SPAG7: variants seen among roughly 807,000 people sequenced by gnomAD.
SPAG7 encodes sperm associated antigen 7.
Under a neutral mutation model 30.6 loss-of-function variants are expected in SPAG7, and 20 were observed. The ratio of observed to expected loss-of-function variants is 0.65; its 90% CI spans 0.46 to 0.95. The LOEUF (loss-of-function observed/expected upper bound fraction) is 0.95, where lower values mean the gene tolerates loss of function less well. SPAG7 is among the 40% of genes least tolerant of loss of function. The pLI is 0.00. For missense variants in SPAG7, 276 were observed against 291.1 expected, an observed-to-expected ratio of 0.95 and a Z score of 0.38; for synonymous variants, 127 against 104.2, an observed-to-expected ratio of 1.22 and a Z score of -1.33.
Position 4,967,791 on chromosome 17 carries a change from A to T in SPAG7, c.14T>A (p.Leu5Gln). The change falls in exon 1 of 7, where the codon CTG becomes CAG. Residue 5 changes from leucine (L) to glutamine (Q), a missense_variant. Transcript: ENST00000206020. MADL[L>Q]GSILSSMEKP... The stretch of plus-strand genomic sequence containing the variant: ...CTCCATGGAGCTCAGGATGGAGCCC[A>T]GTAGGTCCGCCATCTTGGGAGTGAC... The T allele has an allele frequency of 6.2e-7, 1 of 1,613,718 alleles. No homozygotes were observed.
At chr17:4,959,955 AGCC>A (rs746964403) in intron 5 of SPAG7, 39 bp from the exon 6 acceptor site, 2 of 1,612,916 alleles carry the variant, frequency 1.2e-6, no homozygotes, top group African/African-American at 2.7e-5. Flanking sequence ...TCAGGGCCCC[AGCC>A]CAAACCCCCA....
chr17:4,967,043 C>G, intron 1 of SPAG7: 12 of 985,726 alleles, frequency 1.2e-5, no homozygotes, highest in Non-Finnish European at 1.4e-5. Context: ...AGCCCACCCG[C>G]AGGGAAGCTA....
intron 1 of SPAG7, 23 bp downstream of exon 1, chr17:4,967,697 G>C: frequency 1.3e-6 from 2 of 1,583,174 alleles, no homozygotes; most frequent in Non-Finnish European, 1.7e-6. Flanking sequence ...GAAGGAAGGC[G>C]GTTGTGAATT....
At position 4,964,545 on chromosome 17, in the gene SPAG7, T is replaced by C. The variant is rs149947406; in HGVS notation, c.85+3175A>G. Among the ~76,000 whole-genome samples the C allele has an allele frequency of 7.8e-3, 1,176 of 151,660 alleles. 19 individuals carry two copies. Among genetic ancestry groups the C allele is most frequent in the African/African-American group, 0.027 (1,113 of 41,316 alleles). On this transcript the variant is annotated intron_variant, in intron 1 of 6. Coordinates refer to ENST00000206020, the MANE Select transcript of SPAG7 (RefSeq NM_004890.3). The stretch of plus-strand genomic sequence containing the variant: ...CCTGGAGAATTTTTTGTATTTTTAG[T>C]GGAGACAAGGTTTCACCGTTTTAGC...
chr17:4,964,961 G>A (rs1971926404), intron 1 of SPAG7, among the ~76,000 whole-genome samples: 1 of 151,486 alleles, frequency 6.6e-6, no homozygotes, highest in Admixed American at 6.6e-5. Flanking sequence ...CCAGGCTGGA[G>A]TGCAATGGTG....
In SPAG7 at chr17:4,960,262, T is replaced by A; in HGVS notation, c.299A>T (p.Asp100Val). ...TTTGAAGATCATGACATAGCGACAG[T>A]CATCATCTTCCCCAAAGGAGAAGGA... ...LTSFSFGEDDDCRYVMIFKKE... is the reference protein window; with the variant it reads ...LTSFSFGEDDVCRYVMIFKKE... Residue 100 changes from aspartate (D) to valine (V), a missense_variant, in exon 4 of 7, where the codon GAC (aspartate) becomes GTC (valine). Coordinates refer to ENST00000206020, the MANE Select transcript of SPAG7 (RefSeq NM_004890.3). 3 of 1,614,172 alleles carry A rather than the reference T, an allele frequency of 1.9e-6. No homozygotes were observed. In the South Asian group the frequency reaches 3.3e-5, roughly 18 times the overall value.
At position 4,960,828 on chromosome 17, in the gene SPAG7, T is replaced by C. The variant is rs1351920385; in HGVS notation, c.111A>G (p.Leu37=). 6.2e-7 allele frequency: 1 copy of C among 1,614,158 alleles called. No homozygotes were observed. The highest frequency in any genetic ancestry group is 1.7e-5 in the Admixed American group (1 of 60,032). The change falls in exon 2 of 7, where the codon CTA becomes CTG. Residue 37 remains leucine (L), a synonymous_variant. Coordinates refer to ENST00000206020, the MANE Select transcript of SPAG7 (RefSeq NM_004890.3). The stretch of plus-strand genomic sequence containing the variant: ...CTTTCTGTTGTTTCTCTTGCTCTTG[T>C]AGTTTCTTCAGGCGGGCGGCCTGTT... ...AREQAARLKK[L]QEQEKQQKVE...
intron 1 of SPAG7, chr17:4,966,770 T>C (rs1971960490): frequency 2.0e-6 from 2 of 985,352 alleles, no homozygotes; most frequent in Non-Finnish European, 2.4e-6. Flanking sequence ...GGGGTACCCC[T>C]GGTCCCTAAC....
chr17:4,959,527 G>T lies in SPAG7; in HGVS notation c.*7C>A. Reference sequence around the variant, plus strand: ...CCCCAGGGGTCAAAGGGAGCTGGGCGGGGCGCCTAGGAGGTTGGCGGCAAC... The same window carrying T: ...CCCCAGGGGTCAAAGGGAGCTGGGCTGGGCGCCTAGGAGGTTGGCGGCAAC... On this transcript the variant is annotated 3_prime_UTR_variant, in exon 7 of 7. Coordinates refer to ENST00000206020, the MANE Select transcript of SPAG7 (RefSeq NM_004890.3). 1 of 1,609,456 alleles carries T rather than the reference G, an allele frequency of 6.2e-7. No individual in the cohort carries two copies.
intron 4 of SPAG7, 55 bp from the exon 5 acceptor site, chr17:4,960,166 C>A (rs1403624142): frequency 6.2e-7 from 1 of 1,604,394 alleles, no homozygotes; most frequent in Non-Finnish European, 8.5e-7. Flanking sequence ...TCATTTCATT[C>A]CTTGGTCGGG....
At position 4,959,447 on chromosome 17, in the gene SPAG7, G is replaced by C; in HGVS notation, c.*87C>G. The C allele has an allele frequency of 1.9e-6, 2 of 1,037,226 alleles. No individual in the cohort carries two copies. Among genetic ancestry groups the C allele is most frequent in the South Asian group, 2.7e-5 (2 of 74,970 alleles). 64.3% of individuals were successfully genotyped at this position (1,037,226 alleles called of 1,614,324 possible). A position where few individuals can be genotyped will look rare whatever the true frequency, so the allele number is the denominator to read the frequency against. On this transcript the variant is annotated 3_prime_UTR_variant, in exon 7 of 7. Coordinates refer to ENST00000206020, the MANE Select transcript of SPAG7 (RefSeq NM_004890.3). ...TGGTAGGAGGTGGTTCAGAGGTGGG[G>C]CTCCAGGATGGGCTCTAATAGCAGC...
chr17:4,960,064 C>T lies in SPAG7; in HGVS notation c.375G>A (p.Glu125=). ...DEELDSYRRG[E]EWDPQKAEEK... is the part of the protein sequence containing the mutation. ...CCTCAGCCTTCTGGGGGTCCCATTC[C>T]TCTCCACGACGGTAAGAGTCTAGCT... The change falls in exon 5 of 7, where the codon GAG becomes GAA. Residue 125 remains glutamate (E), a synonymous_variant. Transcript: ENST00000206020. 1 of 1,614,202 alleles carries T rather than the reference C, an allele frequency of 6.2e-7. No individual in the cohort carries two copies. Among genetic ancestry groups the T allele is most frequent in the Non-Finnish European group, 8.5e-7 (1 of 1,180,022 alleles).
intron 1 of SPAG7, among the ~76,000 whole-genome samples, chr17:4,965,005 G>T (rs1172291700): frequency 1.3e-5 from 2 of 152,140 alleles, no homozygotes; most frequent in Non-Finnish European, 2.9e-5. Flanking sequence ...TGCCTCCCGG[G>T]TTCAAGTGAT....
At chr17:4,967,487 C>T (rs539130835) in intron 1 of SPAG7, among the ~76,000 whole-genome samples, 1 of 152,116 alleles carries the variant, frequency 6.6e-6, no homozygotes. Context: ...ACAAGGACTG[C>T]GGAAGGCCAG....
Position 4,967,726 on chromosome 17 carries a change from C to G in SPAG7, c.79G>C (p.Ala27Pro), listed in dbSNP as rs1276241002. 2.5e-6 allele frequency: 4 copies of G among 1,613,260 alleles called. No homozygotes were observed. The highest frequency in any genetic ancestry group is 2.5e-6 in the Non-Finnish European group (3 of 1,179,364). ...SLGDQETRRK[A>P]REQAARLKKL... is the part of the protein sequence containing the mutation. ...GTGAATTTGGGATCCTCACCTCGGG[C>G]CTTGCGCCGAGTCTCCTGGTCACCG... Residue 27 changes from alanine (A) to proline (P), a missense_variant, in exon 1 of 7, where the codon GCC becomes CCC. Transcript: ENST00000206020.
rs780658220 is a variant in SPAG7, at chr17:4,959,637, A to G, written c.581T>C (p.Val194Ala). Reference sequence around the variant, plus strand: ...GGAGCGTGTGTCCCTCTTATTGGCCACGGGCACTAGGGGCAGAGAGGAGGG... The same window carrying G: ...GGAGCGTGTGTCCCTCTTATTGGCCGCGGGCACTAGGGGCAGAGAGGAGGG... Reference protein sequence around the residue: ...QANKTYGCVPVANKRDTRSIE... With the variant: ...QANKTYGCVPAANKRDTRSIE... Residue 194 changes from valine to alanine, a missense_variant, in exon 7 of 7, where the codon GTG (valine) becomes GCG (alanine). Physicochemically the swap from Val to Ala is moderately conservative, Grantham distance 64. Coordinates refer to ENST00000206020, the MANE Select transcript of SPAG7 (RefSeq NM_004890.3). 1 of 1,614,042 alleles carries G rather than the reference A, an allele frequency of 6.2e-7. No individual in the cohort carries two copies. The highest frequency in any genetic ancestry group is 8.5e-7 in the Non-Finnish European group (1 of 1,179,976).
intron 1 of SPAG7, among the ~76,000 whole-genome samples, chr17:4,964,991 C>T (rs1200894173): frequency 6.6e-6 from 1 of 151,880 alleles, no homozygotes; most frequent in South Asian, 2.1e-4. Flanking sequence ...CTCACTGCAA[C>T]CTCTGCCTCC....
chr17:4,965,711 T>G (rs898410166), intron 1 of SPAG7: 1 of 152,158 alleles, frequency 6.6e-6, no homozygotes, highest in South Asian at 2.1e-4. Flanking sequence ...CAAAATGGAG[T>G]GCAGTGGCGC....
intron 1 of SPAG7, among the ~76,000 whole-genome samples, chr17:4,964,111 G>A (rs1971907967): frequency 6.6e-6 from 1 of 152,112 alleles, no homozygotes; most frequent in Non-Finnish European, 1.5e-5. Context: ...GATTTCAGCT[G>A]TGAGTCCCCT....
Sources: gnomAD v4.1 joint callset for allele counts (sites outside exome capture counted in the v4.1 genomes callset) on GRCh38, gnomAD v4.1.1 for gene constraint, MANE v1.5 for transcripts, NCBI Gene and HGNC (gene_info 2026-07-23, HGNC 2026-07-21) for gene names.